ZNF791: variants seen among roughly 807,000 people sequenced by gnomAD.
ZNF791 encodes the protein zinc finger protein 791.
Under a neutral mutation model 11.5 loss-of-function variants are expected in ZNF791, and 4 were observed. That is an observed-to-expected ratio of 0.35 (90% confidence interval 0.17 to 0.80). ZNF791 has a LOEUF of 0.80. Among genes scored for constraint, ZNF791 ranks in the 30% least tolerant of loss-of-function variants. ZNF791 has a pLI of 0.53. For synonymous variants in ZNF791, 212 were observed against 228.1 expected (o/e 0.93, Z 0.64); for missense variants, 559 against 699.4 (o/e 0.80, Z 2.26).
At chr19:12,621,634 A>T (rs868425447) in intron 1 of ZNF791, among the ~76,000 whole-genome samples, 1 of 149,968 alleles carries the variant, frequency 6.7e-6, no homozygotes, top group African/African-American at 2.5e-5. Flanking sequence ...TTGGATTTCC[A>T]CAAGCCTCCT....
rs1404021617 is a variant in ZNF791, at chr19:12,632,424, G to GTGGAAGGTGGTGCATATATTACCCA, written c.*3166_*3190dup. On this transcript the variant is annotated 3_prime_UTR_variant, in exon 4 of 4. Transcript: ENST00000343325. ...CTAGGATTTTTCCTACTGGCCTCATGTGGAAGGTGGTGCATATATTACCCA... is the reference window on the plus strand; with the variant it reads ...CTAGGATTTTTCCTACTGGCCTCATGTGGAAGGTGGTGCATATATTACCCATGGAAGGTGGTGCATATATTACCCA... 1.1e-4 allele frequency: 17 copies of GTGGAAGGTGGTGCATATATTACCCA among 152,072 alleles called. No individual in the cohort carries two copies. The highest frequency in any genetic ancestry group is 1.0e-4 in the Non-Finnish European group (7 of 68,018). 9.4% of individuals were successfully genotyped at this position (152,072 alleles called of 1,614,324 possible). A position where few individuals can be genotyped will look rare whatever the true frequency, so the allele number is the denominator to read the frequency against.
intron 1 of ZNF791, among the ~76,000 whole-genome samples, chr19:12,613,538 G>A (rs1422717562): frequency 3.3e-5 from 5 of 152,016 alleles, no homozygotes; most frequent in African/African-American, 4.8e-5. Flanking sequence ...CCGAGATCGC[G>A]CCACTGCACT....
intron 1 of ZNF791, among the ~76,000 whole-genome samples, chr19:12,619,779 C>T (rs1480852118): frequency 6.6e-6 from 1 of 151,574 alleles, no homozygotes; most frequent in Non-Finnish European, 1.5e-5. Context: ...CTAGTTTTGT[C>T]TTCCTACTCA....
chr19:12,614,892 C>CTTTTTTTT (rs57575424), intron 1 of ZNF791, among the ~76,000 whole-genome samples: 180 of 17,564 alleles, frequency 0.01, 64 homozygotes, highest in Non-Finnish European at 0.015. Flanking sequence ...TGCGTCCGGC[C>CTTTTTTTT]TTTTTTTTTT....
At chr19:12,621,860 A>T (rs2023354697) in intron 1 of ZNF791, among the ~76,000 whole-genome samples, 1 of 131,480 alleles carries the variant, frequency 7.6e-6, no homozygotes, top group Non-Finnish European at 1.7e-5. Flanking sequence ...AGGTGTGCCT[A>T]ACAGCTCATT....
chr19:12,627,447 T>G (rs1230566508), intron 3 of ZNF791, among the ~76,000 whole-genome samples: 1 of 151,780 alleles, frequency 6.6e-6, no homozygotes, highest in Non-Finnish European at 1.5e-5. Flanking sequence ...ACCAGCATGG[T>G]GAAACCACGG....
chr19:12,622,600 A>G (rs985695070), intron 1 of ZNF791, among the ~76,000 whole-genome samples: 4 of 151,764 alleles, frequency 2.6e-5, no homozygotes, highest in African/African-American at 4.8e-5. Context: ...CCTGGACAAT[A>G]TAACAAAACC....
chr19:12,614,561 G>A (rs922896784), intron 1 of ZNF791, among the ~76,000 whole-genome samples: 2 of 150,882 alleles, frequency 1.3e-5, no homozygotes, highest in African/African-American at 4.9e-5. Context: ...CAAGCTGGGA[G>A]AGTCTGGGTC....
At chr19:12,618,841 GTGTGTGTGTATT>G (rs1402795795) in intron 1 of ZNF791, among the ~76,000 whole-genome samples, 5 of 135,032 alleles carry the variant, frequency 3.7e-5, no homozygotes, top group Middle Eastern at 3.8e-3. Context: ...GTGTGTGTGT[GTGTGTGTGTATT>G]TATTTATTTT....
At chr19:12,624,923 C>T (rs1475302864) in intron 3 of ZNF791, among the ~76,000 whole-genome samples, 1 of 151,474 alleles carries the variant, frequency 6.6e-6, no homozygotes, top group Non-Finnish European at 1.5e-5. Context: ...TGGTGGTGGG[C>T]GCCTGTAATC....
At chr19:12,618,881 C>T (rs1012236810) in intron 1 of ZNF791, among the ~76,000 whole-genome samples, 1 of 151,068 alleles carries the variant, frequency 6.6e-6, no homozygotes, top group Non-Finnish European at 1.5e-5. Flanking sequence ...TGGAGTCTCA[C>T]TCTGTTGCCA....
Position 12,629,033 on chromosome 19 carries a change from G to C in ZNF791, c.1504G>C (p.Gly502Arg). ...GAAACCTTATGAATGTAAGGAATGC[G>C]GGAAGGCCTTTATTTATCCCACAAG... The part of the protein sequence containing the change: ...GEKPYECKEC[G>R]KAFIYPTSFQ... Residue 502 changes from glycine (G) to arginine (R), a missense_variant, in exon 4 of 4, where the codon GGG becomes CGG. Coordinates refer to ENST00000343325, the MANE Select transcript of ZNF791 (RefSeq NM_153358.3). 6.2e-7 allele frequency: 1 copy of C among 1,613,118 alleles called. No individual in the cohort carries two copies. The highest frequency in any genetic ancestry group is 8.5e-7 in the Non-Finnish European group (1 of 1,179,724).
At position 12,630,454 on chromosome 19, in the gene ZNF791, CGA is replaced by C. The variant is rs1568291844; in HGVS notation, c.*1195_*1196del. 1 of 149,470 alleles carries C rather than the reference CGA, an allele frequency of 6.7e-6. No individual in the cohort carries two copies. The highest frequency in any genetic ancestry group is 2.0e-4 in the East Asian group (1 of 5,126). 9.3% of individuals were successfully genotyped at this position (149,470 alleles called of 1,614,324 possible). A position where few individuals can be genotyped will look rare whatever the true frequency, so the allele number is the denominator to read the frequency against. On this transcript the variant is annotated 3_prime_UTR_variant, in exon 4 of 4. Coordinates refer to ENST00000343325, the MANE Select transcript of ZNF791 (RefSeq NM_153358.3). ...TGGGTGACAGAGCGAGACTCCGTCT[CGA>C]AAAAAAAAAAATTACAGCACAGATG...
chr19:12,612,196 T>G (rs2023167654), intron 1 of ZNF791: 1 of 844,502 alleles, frequency 1.2e-6, no homozygotes, highest in Non-Finnish European at 1.4e-6. Context: ...TTAACTGACA[T>G]TATTATTTTC....
At chr19:12,622,716 A>C (rs2023372931) in intron 1 of ZNF791, among the ~76,000 whole-genome samples, 1 of 152,086 alleles carries the variant, frequency 6.6e-6, no homozygotes, top group Admixed American at 6.6e-5. Flanking sequence ...AAGATGGTGA[A>C]ACCCCATCTC....
intron 2 of ZNF791, 43 bp from the exon 3 acceptor site, chr19:12,624,607 A>C: frequency 2.1e-6 from 3 of 1,422,342 alleles, no homozygotes; most frequent in Non-Finnish European, 2.9e-6. Context: ...TATTTGTATA[A>C]TTTTTAATAA....
intron 1 of ZNF791, chr19:12,612,418 A>G (rs1012938201): frequency 1.4e-5 from 2 of 146,916 alleles, no homozygotes; most frequent in Non-Finnish European, 1.5e-5. Flanking sequence ...TCCTTTATTT[A>G]TTTATTTATT....
At position 12,628,082 on chromosome 19, in the gene ZNF791, G is replaced by GA. The variant is rs757936473; in HGVS notation, c.558dup (p.Pro187ThrfsTer3). On this transcript the variant is annotated frameshift_variant, in exon 4 of 4. Transcript: ENST00000343325. LOFTEE classifies it low-confidence loss of function (END_TRUNC). ...AAGACATGAGCGGACTCACATTGGA[G>GA]AAAAACCCTATGAATGTAAGCAATG... 6.2e-7 allele frequency: 1 copy of GA among 1,613,890 alleles called. No homozygotes were observed. The highest frequency in any genetic ancestry group is 8.5e-7 in the Non-Finnish European group (1 of 1,179,972).
intron 3 of ZNF791, 152 bp from the exon 4 acceptor site, chr19:12,627,569 T>C: frequency 1.6e-6 from 1 of 632,934 alleles, no homozygotes; most frequent in South Asian, 2.5e-5. Flanking sequence ...GAGGTTGCAG[T>C]GAGCTGAGAT....
Sources: allele counts gnomAD v4.1 joint callset (sites outside exome capture counted in the v4.1 genomes callset), GRCh38; gene constraint gnomAD v4.1.1; transcripts MANE v1.5; gene names NCBI Gene and HGNC (gene_info 2026-07-23, HGNC 2026-07-21).